GRIK2: variants seen among roughly 807,000 people sequenced by gnomAD.
The protein encoded by GRIK2 is glutamate receptor ionotropic, kainate 2.
A neutral mutation model predicts 100.3 loss-of-function variants in GRIK2; 32 were observed. That is an observed-to-expected ratio of 0.32 (90% confidence interval 0.24 to 0.43). The LOEUF (loss-of-function observed/expected upper bound fraction) is 0.43, where lower values mean the gene tolerates loss of function less well. Ranked by LOEUF, GRIK2 falls within the 20% of genes least tolerant of loss-of-function variation. GRIK2 has a pLI of 1.00. For synonymous variants in GRIK2, 417 were observed against 389.4 expected, an observed-to-expected ratio of 1.07 and a Z score of -0.83; for missense variants, 843 against 1,114.9, an observed-to-expected ratio of 0.76 and a Z score of 3.47.
intron 14 of GRIK2, among the ~76,000 whole-genome samples, chr6:102,022,680 A>G (rs985890173): frequency 6.6e-6 from 1 of 151,676 alleles, no homozygotes; most frequent in Non-Finnish European, 1.5e-5. Flanking sequence ...TTTTTTCTGA[A>G]GATACATCTT....
chr6:101,730,564 A>G (rs1775191394), intron 7 of GRIK2, among the ~76,000 whole-genome samples: 1 of 151,912 alleles, frequency 6.6e-6, no homozygotes, highest in African/African-American at 2.4e-5. Flanking sequence ...TTATAAAATC[A>G]TTGTTATTAC....
At chr6:101,751,396 CACTTT>C (rs1776777575) in intron 7 of GRIK2, among the ~76,000 whole-genome samples, 2 of 152,082 alleles carry the variant, frequency 1.3e-5, no homozygotes, top group Admixed American at 1.3e-4. Flanking sequence ...TTGTCCTTCT[CACTTT>C]ACTTTTCCAT....
At chr6:101,449,018 TC>T (rs1465221273) in intron 2 of GRIK2, among the ~76,000 whole-genome samples, 1 of 151,572 alleles carries the variant, frequency 6.6e-6, no homozygotes, top group Non-Finnish European at 1.5e-5. Context: ...AAGAAATACA[TC>T]CATTACCATT....
intron 14 of GRIK2, among the ~76,000 whole-genome samples, chr6:102,002,727 C>G (rs1045506226): frequency 6.6e-6 from 1 of 150,668 alleles, no homozygotes; most frequent in South Asian, 2.1e-4. Flanking sequence ...CATAATTATT[C>G]AGTCACTGAA....
At chr6:101,957,932 C>T (rs931291883) in intron 14 of GRIK2, among the ~76,000 whole-genome samples, 3 of 151,840 alleles carry the variant, frequency 2.0e-5, no homozygotes, top group African/African-American at 7.3e-5. Flanking sequence ...TTACTGTAAC[C>T]TTGTAGTATA....
At chr6:101,679,895 C>T (rs1020097763) in intron 5 of GRIK2, among the ~76,000 whole-genome samples, 3 of 152,100 alleles carry the variant, frequency 2.0e-5, no homozygotes, top group Non-Finnish European at 4.4e-5. Context: ...GCTGCCACCA[C>T]GCCCAGCGTA....
intron 11 of GRIK2, among the ~76,000 whole-genome samples, chr6:101,888,248 T>A (rs116714285): frequency 6.6e-6 from 1 of 152,282 alleles, no homozygotes. Context: ...TGACTTTATA[T>A]CCTGGTTCCA....
intron 7 of GRIK2, among the ~76,000 whole-genome samples, chr6:101,695,685 T>C (rs1452865405): frequency 6.6e-6 from 1 of 152,066 alleles, no homozygotes; most frequent in African/African-American, 2.4e-5. Context: ...GGATTGCATG[T>C]TTATAAACCC....
intron 2 of GRIK2, among the ~76,000 whole-genome samples, chr6:101,470,667 A>G (rs944247639): frequency 1.3e-5 from 2 of 152,108 alleles, no homozygotes; most frequent in Non-Finnish European, 2.9e-5. Context: ...CAGGAGGATC[A>G]TTATACTCAG....
chr6:102,067,881 A>C (rs2114544097), intron 16 of GRIK2, among the ~76,000 whole-genome samples: 1 of 151,962 alleles, frequency 6.6e-6, no homozygotes, highest in African/African-American at 2.4e-5. Flanking sequence ...CTTTGTTTTG[A>C]GATGTACAAT....
chr6:101,897,752 C>G (rs868322391), intron 12 of GRIK2, among the ~76,000 whole-genome samples: 1 of 151,730 alleles, frequency 6.6e-6, no homozygotes, highest in African/African-American at 2.4e-5. Flanking sequence ...AGGTATTTTT[C>G]TTTCATTCTG....
At chr6:101,502,144 A>G (rs952120492) in intron 2 of GRIK2, among the ~76,000 whole-genome samples, 3 of 152,198 alleles carry the variant, frequency 2.0e-5, no homozygotes, top group Non-Finnish European at 4.4e-5. Context: ...AATTAATGAA[A>G]TTGATATAGG....
At chr6:101,965,780 A>G (rs1792631466) in intron 14 of GRIK2, among the ~76,000 whole-genome samples, 1 of 152,084 alleles carries the variant, frequency 6.6e-6, no homozygotes, top group African/African-American at 2.4e-5. Context: ...AATGAGGTAA[A>G]GTATAGGAGG....
chr6:101,448,645 G>A (rs766970515), intron 2 of GRIK2, among the ~76,000 whole-genome samples: 1 of 151,540 alleles, frequency 6.6e-6, no homozygotes, highest in Non-Finnish European at 1.5e-5. Context: ...CCATTTTGAA[G>A]CATGAGAATG....
At chr6:101,550,292 T>C (rs1379117818) in intron 2 of GRIK2, among the ~76,000 whole-genome samples, 1 of 152,178 alleles carries the variant, frequency 6.6e-6, no homozygotes, top group African/African-American at 2.4e-5. Context: ...AGAAATTTAT[T>C]GTCCATTATA....
intron 10 of GRIK2, among the ~76,000 whole-genome samples, chr6:101,850,934 T>G (rs1490882017): frequency 6.6e-6 from 1 of 152,124 alleles, no homozygotes; most frequent in African/African-American, 2.4e-5. Flanking sequence ...TTTATCCTTG[T>G]ACCGTGTGAA....
At chr6:101,743,128 G>T (rs1776154414) in intron 7 of GRIK2, among the ~76,000 whole-genome samples, 1 of 152,120 alleles carries the variant, frequency 6.6e-6, no homozygotes, top group Admixed American at 6.5e-5. Context: ...GACAACAAAA[G>T]GTCACCTATT....
intron 7 of GRIK2, among the ~76,000 whole-genome samples, chr6:101,746,892 T>C (rs571663538): frequency 6.6e-6 from 1 of 152,336 alleles, no homozygotes; most frequent in Admixed American, 6.5e-5. Flanking sequence ...TTTTCTGTAA[T>C]ATGGTTGTGT....
At chr6:101,923,196 C>G (rs1297436647) in intron 12 of GRIK2, among the ~76,000 whole-genome samples, 2 of 152,000 alleles carry the variant, frequency 1.3e-5, no homozygotes, top group African/African-American at 2.4e-5. Context: ...AAATTGAGCT[C>G]TCTGAAGTGA....
Sources: allele counts gnomAD v4.1 joint callset (sites outside exome capture counted in the v4.1 genomes callset), GRCh38; gene constraint gnomAD v4.1.1; transcripts MANE v1.5; gene names NCBI Gene and HGNC (gene_info 2026-07-23, HGNC 2026-07-21).